COL4A2: variants seen among roughly 807,000 people sequenced by gnomAD.
The protein encoded by COL4A2 is collagen alpha-2(IV) chain.
Under a neutral mutation model 200.2 loss-of-function variants are expected in COL4A2, and 99 were observed. The ratio of observed to expected loss-of-function variants is 0.49; its 90% CI spans 0.42 to 0.58. The LOEUF (loss-of-function observed/expected upper bound fraction) is 0.58, where lower values mean the gene tolerates loss of function less well. COL4A2 is among the 20% of genes least tolerant of loss of function. The probability of loss-of-function intolerance (pLI) is 0.00; values close to 1 mark genes in which losing one functional copy is unlikely to be tolerated. For missense variants in COL4A2, 1,950 were observed against 2,314.1 expected, an observed-to-expected ratio of 0.84 and a Z score of 3.23; for synonymous variants, 897 against 900.6, an observed-to-expected ratio of 1.00 and a Z score of 0.07.
At chr13:110,414,048 G>GC (rs79046945) in intron 4 of COL4A2, among the ~76,000 whole-genome samples, 17,158 of 152,288 alleles carry the variant, frequency 0.11, 1,360 homozygotes, top group East Asian at 0.32. Flanking sequence ...AGTGGCTCAT[G>GC]CCTGTAACCC....
At chr13:110,473,188 G>C in intron 29 of COL4A2, 38 bp downstream of exon 29, 1 of 1,541,720 alleles carries the variant, frequency 6.5e-7, no homozygotes, top group Non-Finnish European at 8.8e-7. Flanking sequence ...CCCCATCCCA[G>C]ATGCACAGTG....
chr13:110,457,494 T>A, intron 21 of COL4A2, 59 bp downstream of exon 21: 1 of 994,660 alleles, frequency 1.0e-6, no homozygotes, highest in Non-Finnish European at 1.6e-6. Context: ...GTCCCTCACC[T>A]TACAGAAGGT....
intron 47 of COL4A2, among the ~76,000 whole-genome samples, chr13:110,511,450 G>T (rs1884078709): frequency 6.6e-6 from 1 of 152,018 alleles, no homozygotes; most frequent in Non-Finnish European, 1.5e-5. Context: ...GGAGCTGGGA[G>T]GCCTGGCTGG....
At chr13:110,425,503 T>C (rs1009831838) in intron 6 of COL4A2, among the ~76,000 whole-genome samples, 1 of 152,224 alleles carries the variant, frequency 6.6e-6, no homozygotes, top group Non-Finnish European at 1.5e-5. Context: ...TTTACTTTAC[T>C]TCTCGTGGCA....
At chr13:110,509,270 T>TATACACACACACACACACACACACAC (rs1435137108) in intron 47 of COL4A2, among the ~76,000 whole-genome samples, 3 of 115,600 alleles carry the variant, frequency 2.6e-5, no homozygotes, top group African/African-American at 1.0e-4. Context: ...TATATATATA[T>TATACACACACACACACACACACACAC]ACACACACAC....
At chr13:110,336,246 T>G (rs554247927) in intron 3 of COL4A2, among the ~76,000 whole-genome samples, 1 of 152,356 alleles carries the variant, frequency 6.6e-6, no homozygotes, top group African/African-American at 2.4e-5. Flanking sequence ...ATTTGTCTGA[T>G]TGTCTCAAGC....
intron 11 of COL4A2, 90 bp downstream of exon 11, chr13:110,432,450 G>A (rs1880718149): frequency 2.1e-6 from 3 of 1,442,986 alleles, no homozygotes; most frequent in South Asian, 3.0e-5. Flanking sequence ...CTTCTTGGTT[G>A]GCAACTATTT....
intron 3 of COL4A2, among the ~76,000 whole-genome samples, chr13:110,308,466 C>T (rs1412256747): frequency 6.6e-6 from 1 of 152,030 alleles, no homozygotes; most frequent in Non-Finnish European, 1.5e-5. Context: ...GGCAGTGAGA[C>T]GCCAGGCTTA....
chr13:110,506,349 ACT>A (rs563468700), intron 45 of COL4A2, 64 bp from the exon 46 acceptor site: 10 of 1,454,910 alleles, frequency 6.9e-6, no homozygotes, highest in South Asian at 1.2e-5. Flanking sequence ...CAGGCCGTCC[ACT>A]CTCTCTCTTT....
intron 3 of COL4A2, among the ~76,000 whole-genome samples, chr13:110,346,218 T>G (rs1350052840): frequency 6.6e-6 from 1 of 152,228 alleles, no homozygotes; most frequent in Non-Finnish European, 1.5e-5. Flanking sequence ...GGGCGTTGTT[T>G]CCTGCGTAAC....
At chr13:110,420,672 T>G (rs1452481895) in intron 4 of COL4A2, among the ~76,000 whole-genome samples, 1 of 152,234 alleles carries the variant, frequency 6.6e-6, no homozygotes, top group African/African-American at 2.4e-5. Context: ...TCGGGACTTT[T>G]TGACTGAGGA....
intron 39 of COL4A2, among the ~76,000 whole-genome samples, chr13:110,494,070 A>ATT (rs10650877): frequency 0.47 from 71,570 of 151,916 alleles, 17,470 homozygotes; most frequent in South Asian, 0.62. Context: ...AGGGCTTCTT[A>ATT]CCACAGGAAA....
intron 3 of COL4A2, among the ~76,000 whole-genome samples, chr13:110,335,162 G>GTGGTTGGGAGTCTGCTGACCTC (rs1876119228): frequency 6.6e-6 from 1 of 152,100 alleles, no homozygotes; most frequent in Non-Finnish European, 1.5e-5. Flanking sequence ...CATTGATCCT[G>GTGGTTGGGAGTCTGCTGACCTC]TGGTTGGGAG....
intron 20 of COL4A2, among the ~76,000 whole-genome samples, chr13:110,455,417 CAGAA>C (rs2139486915): frequency 6.6e-6 from 1 of 152,198 alleles, no homozygotes; most frequent in East Asian, 1.9e-4. Flanking sequence ...ATCACTTCCT[CAGAA>C]AGGACTCAGC....
intron 4 of COL4A2, among the ~76,000 whole-genome samples, chr13:110,385,073 G>A (rs1176743608): frequency 6.6e-6 from 1 of 152,112 alleles, no homozygotes; most frequent in Non-Finnish European, 1.5e-5. Context: ...GACCGTCTTG[G>A]CTAACACGGT....
chr13:110,368,871 A>G (rs1877875581), intron 4 of COL4A2, among the ~76,000 whole-genome samples: 1 of 150,702 alleles, frequency 6.6e-6, no homozygotes, highest in South Asian at 2.1e-4. Flanking sequence ...GTTGAGCTCA[A>G]TAATAGCATT....
Position 110,425,507 on chromosome 13 carries a change from C to G in COL4A2, c.360+510C>G, listed in dbSNP as rs79186039. ...TTATAACCTAGTTTACTTTACTTCT[C>G]GTGGCATAAAAAAATAAACAAAACA... On this transcript the variant is annotated intron_variant, in intron 6 of 47. Coordinates refer to ENST00000360467, the MANE Select transcript of COL4A2 (RefSeq NM_001846.4). Among the ~76,000 whole-genome samples, 223 of 152,276 alleles carry G rather than the reference C, an allele frequency of 1.5e-3. 1 individual carries two copies. The Middle Eastern group carries it at 0.027, about 19-fold the overall frequency.
intron 4 of COL4A2, among the ~76,000 whole-genome samples, chr13:110,358,862 T>A (rs1877396752): frequency 6.6e-6 from 1 of 152,266 alleles, no homozygotes; most frequent in Non-Finnish European, 1.5e-5. Flanking sequence ...ACCACTTTCC[T>A]ACAAAATTGA....
chr13:110,312,020 T>C (rs1884998447), intron 3 of COL4A2, among the ~76,000 whole-genome samples: 1 of 152,232 alleles, frequency 6.6e-6, no homozygotes, highest in Non-Finnish European at 1.5e-5. Flanking sequence ...GAGGTGTTCA[T>C]GCCGCACGAG....
Sources: allele counts gnomAD v4.1 joint callset (sites outside exome capture counted in the v4.1 genomes callset), GRCh38; gene constraint gnomAD v4.1.1; transcripts MANE v1.5; gene names NCBI Gene and HGNC (gene_info 2026-07-23, HGNC 2026-07-21).